MAMLD1: variants seen among roughly 807,000 people sequenced by gnomAD.
MAMLD1 encodes mastermind like domain containing 1.
In MAMLD1, 14 loss-of-function variants were observed where a neutral mutation model predicts 45.0. The observed-to-expected ratio is 0.31, with a 90% CI of 0.21 to 0.49. The LOEUF is 0.49. MAMLD1 is among the 20% of genes least tolerant of loss of function. MAMLD1 has a pLI of 0.99. For synonymous variants in MAMLD1, 254 were observed against 247.8 expected, an observed-to-expected ratio of 1.02 and a Z score of -0.24; for missense variants, 543 against 603.6, an observed-to-expected ratio of 0.90 and a Z score of 1.05.
chrX:150,482,133 A>T (rs1264993980), intron 5 of MAMLD1, among the ~76,000 whole-genome samples: 1 of 111,759 alleles, frequency 8.9e-6, no homozygotes, highest in Non-Finnish European at 1.9e-5. Flanking sequence ...TGGTAAATAA[A>T]TTAAAAAAAT....
In MAMLD1 at chrX:150,454,019, C is replaced by T. The variant is rs1192519562; in HGVS notation, c.96+8407C>T. Reference sequence around the variant, plus strand: ...CCCACTTCTCTCCCTGGCCTGTGCTCATTCTAATGGAAGTGTCAGTTCTGG... The same window carrying T: ...CCCACTTCTCTCCCTGGCCTGTGCTTATTCTAATGGAAGTGTCAGTTCTGG... On this transcript the variant is annotated intron_variant, in intron 2 of 7. Transcript: ENST00000370401. 7.1e-5 allele frequency among the ~76,000 whole-genome samples: 8 copies of T among 112,490 alleles called. No homozygotes were observed. The Admixed American group carries it at 7.5e-4, about 11-fold the overall frequency.
intron 1 of MAMLD1, among the ~76,000 whole-genome samples, chrX:150,408,168 C>CT (rs1200326155): frequency 1.2e-3 from 122 of 105,101 alleles, no homozygotes; most frequent in African/African-American, 2.2e-3. Context: ...TTAATCAGAG[C>CT]TTTTTTTTTT....
intron 5 of MAMLD1, among the ~76,000 whole-genome samples, chrX:150,490,509 GA>G (rs2037150391): frequency 8.9e-6 from 1 of 112,373 alleles, no homozygotes; most frequent in Non-Finnish European, 1.9e-5. Flanking sequence ...TCAGGCCTCG[GA>G]GTTGGGGCAG....
Position 150,471,176 on chromosome X carries a change from G to C in MAMLD1, c.1603G>C (p.Glu535Gln), listed in dbSNP as rs1557406497. ...GGCAAGCTCCAGCCCAGGAGCCACG[G>C]AGCCATTTACTTTTGGCAACACCAA... ...GMASSSPGAT[E>Q]PFTFGNTKPL... Residue 535 changes from glutamate (E) to glutamine (Q), a missense_variant, in exon 4 of 8, where the codon GAG (glutamate) becomes CAG (glutamine). Transcript: ENST00000370401. 1 of 1,211,784 alleles carries C rather than the reference G, an allele frequency of 8.3e-7. No individual in the cohort carries two copies.
intron 1 of MAMLD1, among the ~76,000 whole-genome samples, chrX:150,390,776 T>A (rs908000567): frequency 2.0e-4 from 22 of 112,617 alleles, no homozygotes; most frequent in African/African-American, 6.1e-4. Flanking sequence ...TTTCTTTATG[T>A]AGTTTCAAGC....
At chrX:150,398,337 A>AGAAGAAGAAGAG (rs2033588884) in intron 1 of MAMLD1, among the ~76,000 whole-genome samples, 32 of 52,241 alleles carry the variant, frequency 6.1e-4, no homozygotes, top group Non-Finnish European at 9.1e-4. Flanking sequence ...AAGAAGAAGA[A>AGAAGAAGAAGAG]GAAGAGGAAG....
intron 1 of MAMLD1, among the ~76,000 whole-genome samples, chrX:150,440,440 C>A (rs1190685584): frequency 9.2e-6 from 1 of 109,054 alleles, no homozygotes; most frequent in Non-Finnish European, 1.9e-5. Context: ...GGTGCTAATT[C>A]TTCTTTAAAC....
chrX:150,420,512 G>A (rs2034453290), intron 1 of MAMLD1, among the ~76,000 whole-genome samples: 2 of 111,955 alleles, frequency 1.8e-5, no homozygotes, highest in South Asian at 3.7e-4. Flanking sequence ...GAGGAGAGGT[G>A]CTCTGCTTTT....
intron 1 of MAMLD1, among the ~76,000 whole-genome samples, chrX:150,367,401 A>T (rs1557400799): frequency 9.0e-6 from 1 of 111,378 alleles, no homozygotes; most frequent in Non-Finnish European, 1.9e-5. Context: ...TAAATTGATC[A>T]CCTAAAGGCA....
intron 1 of MAMLD1, among the ~76,000 whole-genome samples, chrX:150,443,433 G>A (rs1557404638): frequency 9.7e-6 from 1 of 103,499 alleles, no homozygotes; most frequent in East Asian, 3.0e-4. Flanking sequence ...TATACTTTAA[G>A]TTTTAGGGTA....
intron 1 of MAMLD1, among the ~76,000 whole-genome samples, chrX:150,436,497 C>T (rs1460515651): frequency 3.6e-5 from 4 of 111,721 alleles, no homozygotes; most frequent in African/African-American, 6.5e-5. Context: ...CTTTCCTGAG[C>T]TTGGTCAGTC....
At chrX:150,426,403 A>G (rs930523570) in intron 1 of MAMLD1, among the ~76,000 whole-genome samples, 3 of 112,004 alleles carry the variant, frequency 2.7e-5, no homozygotes, top group Non-Finnish European at 5.6e-5. Context: ...GGAAAGTAGG[A>G]ATGGCCTTAG....
intron 5 of MAMLD1, among the ~76,000 whole-genome samples, chrX:150,482,682 A>G (rs969757631): frequency 1.8e-5 from 2 of 112,404 alleles, no homozygotes; most frequent in Non-Finnish European, 3.8e-5. Context: ...TAAGAGCAGT[A>G]TTTACTGCAC....
intron 2 of MAMLD1, among the ~76,000 whole-genome samples, chrX:150,458,612 T>C (rs1314740325): frequency 2.7e-5 from 3 of 112,327 alleles, no homozygotes; most frequent in Non-Finnish European, 5.6e-5. Context: ...AACCAGCAGC[T>C]GTTTTTTTTC....
intron 1 of MAMLD1, among the ~76,000 whole-genome samples, chrX:150,378,112 G>A (rs886896500): frequency 4.5e-5 from 5 of 111,979 alleles, no homozygotes; most frequent in African/African-American, 9.7e-5. Context: ...GCATTCAGTC[G>A]TTTTGTCTCT....
chrX:150,445,761 A>T, intron 2 of MAMLD1, 149 bp downstream of exon 2: 3 of 480,049 alleles, frequency 6.2e-6, no homozygotes, highest in Non-Finnish European at 1.1e-5. Context: ...TCTAGAAGAG[A>T]TCTAGGAGAT....
At position 150,470,670 on chromosome X, in the gene MAMLD1, T is replaced by C. The variant is rs782567985; in HGVS notation, c.1097T>C (p.Met366Thr). 2.5e-6 allele frequency: 3 copies of C among 1,210,182 alleles called. No individual in the cohort carries two copies. The highest frequency in any genetic ancestry group is 1.8e-5 in the South Asian group (1 of 56,809). ...PPPPFSPQSL[M>T]VSCMSSNTLS... ...CCCCCATTCAGCCCCCAGAGCCTCA[T>C]GGTGTCCTGCATGTCGTCCAATACC... Residue 366 changes from methionine (M) to threonine (T), a missense_variant, in exon 4 of 8, where the codon ATG (methionine) becomes ACG (threonine). Transcript: ENST00000370401.
chrX:150,439,995 G>C (rs185396955), intron 1 of MAMLD1, among the ~76,000 whole-genome samples: 46 of 111,332 alleles, frequency 4.1e-4, no homozygotes, highest in Non-Finnish European at 7.2e-4. Flanking sequence ...TATTTCATTG[G>C]TCTATATGTC....
intron 1 of MAMLD1, among the ~76,000 whole-genome samples, chrX:150,364,567 G>T (rs2031242327): frequency 8.9e-6 from 1 of 112,198 alleles, no homozygotes; most frequent in African/African-American, 3.2e-5. Context: ...GTGGCTGGGG[G>T]ACGTGGGGAG....
Sources: allele counts gnomAD v4.1 joint callset (sites outside exome capture counted in the v4.1 genomes callset), GRCh38; gene constraint gnomAD v4.1.1; transcripts MANE v1.5; gene names NCBI Gene and HGNC (gene_info 2026-07-23, HGNC 2026-07-21).